BLTP3B: variants seen among roughly 807,000 people sequenced by gnomAD.
BLTP3B encodes UHRF1 (ICBP90) binding protein 1-like.
At chr12:100,054,665 C>T in the BLTP3B span, among the ~76,000 whole-genome samples, 1 of 152,074 alleles carries the variant, frequency 6.6e-6, no homozygotes, top group Non-Finnish European at 1.5e-5. Context: ...AGTACCTCTT[C>T]TACATTTAAG....
At chr12:100,098,598 C>A in the BLTP3B span, 5 of 1,514,404 alleles carry the variant, frequency 3.3e-6, no homozygotes, top group Non-Finnish European at 4.4e-6. Context: ...TTTAAAAATT[C>A]TATTAATATT....
At chr12:100,057,052 G>A in the BLTP3B span, among the ~76,000 whole-genome samples, 2 of 152,166 alleles carry the variant, frequency 1.3e-5, no homozygotes, top group East Asian at 3.8e-4. Context: ...GGAAAATCAT[G>A]TAGTTACACC....
At chr12:100,083,178 T>C in the BLTP3B span, 1 of 1,393,900 alleles carries the variant, frequency 7.2e-7, no homozygotes, top group South Asian at 1.2e-5. Context: ...CAAAATTATT[T>C]TTAACAGTCA....
the BLTP3B span, chr12:100,058,129 C>T: frequency 1.2e-6 from 2 of 1,613,278 alleles, no homozygotes; most frequent in East Asian, 2.2e-5. Flanking sequence ...AGCAAATCTT[C>T]AGCTTTAAAG....
the BLTP3B span, among the ~76,000 whole-genome samples, chr12:100,107,068 A>T: frequency 6.6e-6 from 1 of 151,970 alleles, no homozygotes; most frequent in Non-Finnish European, 1.5e-5. Context: ...CGGGTGGTGG[A>T]TCACCTGTCA....
chr12:100,082,834 G>A, the BLTP3B span, among the ~76,000 whole-genome samples: 3,271 of 152,088 alleles, frequency 0.022, 112 homozygotes, highest in African/African-American at 0.076. Context: ...AAGTTAGTTT[G>A]GTTAACTGAG....
the BLTP3B span, chr12:100,059,713 C>G: frequency 9.0e-7 from 1 of 1,109,060 alleles, no homozygotes; most frequent in Admixed American, 3.1e-5. Context: ...GTAAAGGGGA[C>G]TTACATGACC....
At chr12:100,050,486 T>C in the BLTP3B span, among the ~76,000 whole-genome samples, 1 of 152,182 alleles carries the variant, frequency 6.6e-6, no homozygotes, top group Admixed American at 6.5e-5. Context: ...AGTGAAAACC[T>C]TTCATTTACT....
chr12:100,078,852 G>A, the BLTP3B span, among the ~76,000 whole-genome samples: 1 of 152,016 alleles, frequency 6.6e-6, no homozygotes, highest in Non-Finnish European at 1.5e-5. Context: ...TGTTGTGTGA[G>A]GAACCTGGTG....
chr12:100,090,066 T>C, the BLTP3B span, among the ~76,000 whole-genome samples: 1 of 152,226 alleles, frequency 6.6e-6, no homozygotes, highest in Admixed American at 6.5e-5. Context: ...CCCAGCCACA[T>C]GGAACTGTAA....
the BLTP3B span, chr12:100,057,645 G>A: frequency 1.2e-6 from 2 of 1,612,736 alleles, no homozygotes; most frequent in Admixed American, 1.7e-5. Context: ...GCTGTCAAGT[G>A]AAATGGTATC....
chr12:100,087,729 G>C, the BLTP3B span, among the ~76,000 whole-genome samples: 1 of 152,152 alleles, frequency 6.6e-6, no homozygotes, highest in African/African-American at 2.4e-5. Flanking sequence ...TACTATTAAG[G>C]AGATATTTTG....
chr12:100,053,144 C>G, the BLTP3B span, among the ~76,000 whole-genome samples: 7 of 151,922 alleles, frequency 4.6e-5, no homozygotes, highest in Non-Finnish European at 1.0e-4. Context: ...GTGGCTCACA[C>G]CTATAATCCC....
chr12:100,103,124 A>C, the BLTP3B span, among the ~76,000 whole-genome samples: 2 of 152,144 alleles, frequency 1.3e-5, no homozygotes, highest in Non-Finnish European at 2.9e-5. Context: ...AGACATAGCC[A>C]TTAACTACTA....
the BLTP3B span, among the ~76,000 whole-genome samples, chr12:100,057,203 G>A: frequency 3.9e-5 from 6 of 152,050 alleles, no homozygotes; most frequent in Non-Finnish European, 8.8e-5. Context: ...CCTGCTTTAT[G>A]GTCTAAATGA....
the BLTP3B span, among the ~76,000 whole-genome samples, chr12:100,118,927 C>T: frequency 6.6e-6 from 1 of 152,174 alleles, no homozygotes; most frequent in Admixed American, 6.5e-5. Flanking sequence ...CATGGTAAAA[C>T]TCTGTCTTTA....
chr12:100,098,428 C>T, the BLTP3B span: 8 of 1,613,850 alleles, frequency 5.0e-6, no homozygotes, highest in South Asian at 1.1e-5. Flanking sequence ...ACTATAGATC[C>T]GAAGCTGAGA....
the BLTP3B span, among the ~76,000 whole-genome samples, chr12:100,114,879 C>G: frequency 7.9e-5 from 12 of 152,136 alleles, no homozygotes; most frequent in Non-Finnish European, 1.3e-4. Context: ...TTTTAATCAC[C>G]TACACTCCTG....
At chr12:100,095,841 T>C in the BLTP3B span, 4 of 1,567,802 alleles carry the variant, frequency 2.6e-6, no homozygotes, top group African/African-American at 2.8e-5. Context: ...CCTTTAACTG[T>C]AGGAAAAAAA....
Sources: allele counts gnomAD v4.1 joint callset (sites outside exome capture counted in the v4.1 genomes callset), GRCh38; gene constraint gnomAD v4.1.1; transcripts MANE v1.5; gene names NCBI Gene and HGNC (gene_info 2026-07-23, HGNC 2026-07-21).